The following AKAP11 variants were observed in gnomAD, a reference collection of about 807,000 sequenced individuals.
AKAP11 encodes A-kinase anchor protein 11.
In AKAP11, 36 loss-of-function variants were observed where a neutral mutation model predicts 146.1. The observed-to-expected ratio is 0.25, with a 90% CI of 0.19 to 0.33. The LOEUF is 0.33. AKAP11 is among the 10% of genes least tolerant of loss of function. The pLI is 1.00. For synonymous variants in AKAP11, 780 were observed against 786.5 expected, an observed-to-expected ratio of 0.99 and a Z score of 0.14; for missense variants, 2,201 against 2,197.0, an observed-to-expected ratio of 1.00 and a Z score of -0.04.
In AKAP11 at chr13:42,322,639, A is replaced by G. The variant is rs1442371143; in HGVS notation, c.*3411A>G. 6.6e-6 allele frequency: 1 copy of G among 152,332 alleles called. No homozygotes were observed. Among genetic ancestry groups the G allele is most frequent in the Non-Finnish European group, 1.5e-5 (1 of 68,012 alleles). The allele number at this position is 152,332 out of a possible 1,614,324, so 9.4% of individuals were successfully genotyped here. On this transcript the variant is annotated 3_prime_UTR_variant, in exon 13 of 13. Coordinates refer to ENST00000025301, the MANE Select transcript of AKAP11 (RefSeq NM_016248.4). ...AGAATTAGAGCTTCAGTGAGAATTT[A>G]GAAAAATTATACTAAAGTGAGATGC...
intron 8 of AKAP11, among the ~76,000 whole-genome samples, chr13:42,307,202 T>A (rs1960305370): frequency 6.6e-6 from 1 of 152,172 alleles, no homozygotes; most frequent in African/African-American, 2.4e-5. Flanking sequence ...ATGCTTGGAA[T>A]GCTCAGTATC....
chr13:42,287,506 G>A (rs977765691), intron 3 of AKAP11, among the ~76,000 whole-genome samples: 2 of 151,942 alleles, frequency 1.3e-5, no homozygotes, highest in African/African-American at 4.8e-5. Context: ...GGATGATCGC[G>A]ATCTCCTGAC....
At chr13:42,314,172 C>T (rs546667196) in intron 11 of AKAP11, among the ~76,000 whole-genome samples, 12 of 152,234 alleles carry the variant, frequency 7.9e-5, no homozygotes, top group Admixed American at 2.6e-4. Context: ...TGGGCAGGCA[C>T]GGTGGCTTAC....
At chr13:42,296,552 T>A (rs1206056959) in intron 5 of AKAP11, among the ~76,000 whole-genome samples, 1 of 152,106 alleles carries the variant, frequency 6.6e-6, no homozygotes, top group Non-Finnish European at 1.5e-5. Flanking sequence ...TAAAAGCGAT[T>A]TTCTTTTCCT....
rs947947344 is a variant in AKAP11 at position 42,285,693 on chromosome 13, G to A, written c.-99-293G>A. ...TTAGTTTTGAGTGTTTCACCTGGCA[G>A]GTGTTGTGTGTGTTAAGTACTGGTA... On this transcript the variant is annotated intron_variant, in intron 1 of 12. Transcript: ENST00000025301. Among the ~76,000 whole-genome samples, 6 of 152,224 alleles carry A rather than the reference G, an allele frequency of 3.9e-5. No homozygotes were observed. The East Asian group carries it at 5.8e-4, about 15-fold the overall frequency.
intron 7 of AKAP11, 121 bp downstream of exon 7, chr13:42,298,918 T>A: frequency 9.4e-7 from 1 of 1,059,166 alleles, no homozygotes; most frequent in Non-Finnish European, 1.3e-6. Context: ...TTAAACCTTT[T>A]AACTTTTTTT....
intron 1 of AKAP11, among the ~76,000 whole-genome samples, chr13:42,280,820 G>C (rs1959043482): frequency 6.6e-6 from 1 of 152,162 alleles, no homozygotes; most frequent in Non-Finnish European, 1.5e-5. Context: ...TGGTGGAAGA[G>C]AGAGGGTAGA....
rs778248764 is a variant in AKAP11, at chr13:42,302,195, C to T, written c.3449C>T (p.Ser1150Phe). ...CACAACTCATCTGTTGGTAGTTTGT[C>T]TGAGAATGAACAAAATACTATAGAA... ...TPHNSSVGSL[S>F]ENEQNTIEKE... Residue 1150 changes from serine to phenylalanine, a missense_variant, in exon 8 of 13, where the codon TCT becomes TTT. By Grantham distance (155) the Ser-to-Phe change is radical. This residue lies in a region of AKAP11 where 1,867 missense variants were observed against 1,833.5 expected (regional missense o/e 1.02). Coordinates refer to ENST00000025301, the MANE Select transcript of AKAP11 (RefSeq NM_016248.4). 1 of 1,614,168 alleles carries T rather than the reference C, an allele frequency of 6.2e-7. No homozygotes were observed. The highest frequency in any genetic ancestry group is 1.1e-5 in the South Asian group (1 of 91,076).
chr13:42,285,491 G>C (rs1566258704), intron 1 of AKAP11, among the ~76,000 whole-genome samples: 1 of 152,124 alleles, frequency 6.6e-6, no homozygotes, highest in Non-Finnish European at 1.5e-5. Context: ...TCCTTTGAAG[G>C]CTTTGAATGC....
chr13:42,272,422 G>T (rs2138367139), intron 1 of AKAP11, among the ~76,000 whole-genome samples, 194 bp downstream of exon 1: 1 of 152,296 alleles, frequency 6.6e-6, no homozygotes, highest in East Asian at 1.9e-4. Flanking sequence ...CGGGAGGAGC[G>T]CGGCCGAAGG....
Position 42,286,302 on chromosome 13 carries a change from G to A in AKAP11, c.-47G>A, listed in dbSNP as rs1025116444. The A allele has an allele frequency of 2.3e-6, 3 of 1,324,506 alleles. No individual in the cohort carries two copies. The highest frequency in any genetic ancestry group is 1.4e-5 in the South Asian group (1 of 71,210). 82.0% of individuals were successfully genotyped at this position (1,324,506 alleles called of 1,614,324 possible). A position where few individuals can be genotyped will look rare whatever the true frequency, so the allele number is the denominator to read the frequency against. ...TTGTTTTAATATGTTTTCTTTAGGT[G>A]TTTTGTGGATTAACTCTTCATTGAT... On this transcript the variant is annotated splice_region_variant and 5_prime_UTR_variant, in exon 3 of 13. Transcript: ENST00000025301.
At chr13:42,276,771 C>G (rs973762235) in intron 1 of AKAP11, among the ~76,000 whole-genome samples, 7 of 152,242 alleles carry the variant, frequency 4.6e-5, no homozygotes, top group African/African-American at 1.7e-4. Context: ...ATGACTGGCC[C>G]ATCTGCAAAG....
Position 42,297,113 on chromosome 13 carries a change from T to C in AKAP11, c.282T>C (p.Asn94=). 1.3e-6 allele frequency: 2 copies of C among 1,587,918 alleles called. No homozygotes were observed. The highest frequency in any genetic ancestry group is 2.3e-5 in the South Asian group (2 of 86,676). Reference sequence around the variant, plus strand: ...ATTCACTCCACTTCTGCAGTCTAAATGAAAATGAAATTATTTGTATGAAGA... The same window carrying C: ...ATTCACTCCACTTCTGCAGTCTAAACGAAAATGAAATTATTTGTATGAAGA... ...ILNSLHFCSL[N]ENEIICMKNI... is the part of the protein sequence containing the mutation. Residue 94 remains asparagine, a synonymous_variant, in exon 6 of 13, where the codon AAT becomes AAC. Transcript: ENST00000025301.
In AKAP11 at chr13:42,308,527, G is replaced by A. The variant is rs760544593; in HGVS notation, c.5191G>A (p.Asp1731Asn). ...SQQMNLSIGD[D>N]STGSWSNLSF... Reference sequence around the variant, plus strand: ...GCAGATGAACCTCAGTATTGGTGATGACAGCACTGGTAGCTGGTCCAATTT... The same window carrying A: ...GCAGATGAACCTCAGTATTGGTGATAACAGCACTGGTAGCTGGTCCAATTT... The change falls in exon 9 of 13, where the codon GAC (aspartate) becomes AAC (asparagine). Residue 1731 changes from aspartate to asparagine, a missense_variant. This residue lies in a region of AKAP11 where 1,867 missense variants were observed against 1,833.5 expected (regional missense o/e 1.02). Coordinates refer to ENST00000025301, the MANE Select transcript of AKAP11 (RefSeq NM_016248.4). 1 of 1,613,402 alleles carries A rather than the reference G, an allele frequency of 6.2e-7. No homozygotes were observed. Among genetic ancestry groups the A allele is most frequent in the Admixed American group, 1.7e-5 (1 of 59,988 alleles).
chr13:42,281,623 AACAT>A (rs1401985777), intron 1 of AKAP11, among the ~76,000 whole-genome samples: 1 of 152,170 alleles, frequency 6.6e-6, no homozygotes, highest in Admixed American at 6.5e-5. Flanking sequence ...TACAAAACTC[AACAT>A]ACATAGACAC....
At chr13:42,292,628 G>A in intron 4 of AKAP11, 127 bp downstream of exon 4, 1 of 519,898 alleles carries the variant, frequency 1.9e-6, no homozygotes, top group African/African-American at 1.9e-5. Context: ...TGTATCAGAA[G>A]TACCTGTTTT....
upstream of AKAP11, chr13:42,272,091 G>C (rs1162217889): frequency 1.0e-5 from 1 of 99,456 alleles, no homozygotes; most frequent in East Asian, 2.2e-4. Context: ...GGGGTGGGCA[G>C]GGCGGGGGCG....
intron 3 of AKAP11, among the ~76,000 whole-genome samples, chr13:42,290,432 C>T (rs1043991575): frequency 1.3e-5 from 2 of 152,160 alleles, no homozygotes; most frequent in Admixed American, 1.3e-4. Context: ...GATTAATACA[C>T]TTAATAAACT....
intron 1 of AKAP11, among the ~76,000 whole-genome samples, chr13:42,278,535 A>G (rs564607099): frequency 6.2e-4 from 94 of 152,196 alleles, no homozygotes; most frequent in Non-Finnish European, 9.4e-4. Context: ...CTTCATGTTT[A>G]ATGTAGAAAT....
Sources: allele counts gnomAD v4.1 joint callset (sites outside exome capture counted in the v4.1 genomes callset), GRCh38; gene constraint gnomAD v4.1.1; regional missense constraint gnomAD v4.1.1; transcripts MANE v1.5; gene names NCBI Gene and HGNC (gene_info 2026-07-23, HGNC 2026-07-21).